KCNMA1: variants seen among roughly 807,000 people sequenced by gnomAD.
KCNMA1 encodes Calcium-activated potassium channel subunit alpha-1.
Under a neutral mutation model 140.0 loss-of-function variants are expected in KCNMA1, and 29 were observed. That is an observed-to-expected ratio of 0.21 (90% CI 0.15 to 0.28). KCNMA1 has a LOEUF of 0.28. Among genes scored for constraint, KCNMA1 ranks in the 10% least tolerant of loss-of-function variants. The pLI, the probability that KCNMA1 is intolerant of heterozygous loss-of-function variation, is 1.00. For missense variants in KCNMA1, 880 were observed against 1,602.2 expected, an observed-to-expected ratio of 0.55 and a Z score of 7.70; for synonymous variants, 612 against 611.9, an observed-to-expected ratio of 1.00 and a Z score of 0.00.
intron 19 of KCNMA1, among the ~76,000 whole-genome samples, chr10:76,999,052 C>G (rs1179923442): frequency 6.6e-6 from 1 of 152,204 alleles, no homozygotes; most frequent in East Asian, 1.9e-4. Flanking sequence ...CAAAGCTCCA[C>G]GTGTTCCCTG....
intron 3 of KCNMA1, among the ~76,000 whole-genome samples, chr10:77,222,388 T>C (rs1411008605): frequency 6.6e-6 from 1 of 152,224 alleles, no homozygotes; most frequent in Admixed American, 6.5e-5. Context: ...CTCTACCTAC[T>C]ACTCCCAACA....
At chr10:77,179,227 C>T (rs941506593) in intron 5 of KCNMA1, among the ~76,000 whole-genome samples, 13 of 152,188 alleles carry the variant, frequency 8.5e-5, no homozygotes, top group South Asian at 4.1e-4. Context: ...TCATGCTGAG[C>T]GACCCATCAG....
At chr10:77,329,894 G>T (rs1350536562) in intron 2 of KCNMA1, among the ~76,000 whole-genome samples, 1 of 152,010 alleles carries the variant, frequency 6.6e-6, no homozygotes, top group African/African-American at 2.4e-5. Flanking sequence ...AGTTCATAAG[G>T]TTATTATAAA....
At chr10:76,876,423 C>T (rs1027218139), downstream of KCNMA1, 3 of 152,540 alleles carry the variant, frequency 2.0e-5, no homozygotes, top group East Asian at 1.9e-4. Context: ...GACTGTACAC[C>T]GAGCATGCAA....
intron 3 of KCNMA1, among the ~76,000 whole-genome samples, chr10:77,240,874 T>C (rs1181361848): frequency 3.3e-5 from 5 of 152,206 alleles, no homozygotes; most frequent in Non-Finnish European, 7.3e-5. Context: ...TATTTTGTAC[T>C]GTTGCACTCT....
intron 1 of KCNMA1, among the ~76,000 whole-genome samples, chr10:77,629,773 A>G (rs973647542): frequency 1.3e-5 from 2 of 152,178 alleles, no homozygotes; most frequent in Non-Finnish European, 2.9e-5. Context: ...CATCGTATAC[A>G]CTTAATATGC....
At chr10:77,353,003 C>A (rs1330785064) in intron 2 of KCNMA1, among the ~76,000 whole-genome samples, 1 of 152,210 alleles carries the variant, frequency 6.6e-6, no homozygotes, top group East Asian at 1.9e-4. Context: ...AAGACAATCC[C>A]CTGAATGCAA....
intron 14 of KCNMA1, among the ~76,000 whole-genome samples, chr10:77,052,619 G>GC: frequency 2.2e-5 from 1 of 45,772 alleles, no homozygotes; most frequent in East Asian, 4.4e-4. Flanking sequence ...GGATGAGTGT[G>GC]CAAAAAAAAA....
At chr10:76,980,041 T>C (rs1044430364) in intron 19 of KCNMA1, 4 of 152,286 alleles carry the variant, frequency 2.6e-5, no homozygotes, top group Admixed American at 2.6e-4. Flanking sequence ...TATCATAATT[T>C]ATCCTCGGAC....
At position 77,003,300 on chromosome 10, in the gene KCNMA1, G is replaced by T. The variant is rs139691759; in HGVS notation, c.2093-1720C>A. ...TGGTATATCATTCCTTTGAGCTTTA[G>T]CTTTTACCAAAAAAAAATAAAAAAT... On this transcript the variant is annotated intron_variant, in intron 18 of 27. Coordinates refer to ENST00000286628, the MANE Select transcript of KCNMA1 (RefSeq NM_001161352.2). 1.3e-4 allele frequency among the ~76,000 whole-genome samples: 17 copies of T among 128,616 alleles called. No homozygotes were observed. The East Asian group carries it at 3.3e-3, about 25-fold the overall frequency. 84.4% of individuals were successfully genotyped at this position (128,616 alleles called of 152,430 possible).
rs541507084 is a variant in KCNMA1 at position 77,518,184 on chromosome 10, T to G, written c.379-114161A>C. Among the ~76,000 whole-genome samples the G allele has an allele frequency of 2.6e-5, 4 of 152,318 alleles. No homozygotes were observed. The East Asian group carries it at 7.7e-4, about 29-fold the overall frequency. ...CAACTACATAAAACAGGTTCCCCAT[T>G]GCACTCACATCACTATCCCCTTAGC... On this transcript the variant is annotated intron_variant, in intron 1 of 27. Transcript: ENST00000286628.
At chr10:77,334,993 T>C (rs1267309931) in intron 2 of KCNMA1, among the ~76,000 whole-genome samples, 3 of 152,190 alleles carry the variant, frequency 2.0e-5, no homozygotes, top group Non-Finnish European at 4.4e-5. Flanking sequence ...CTAACAGCCA[T>C]ATGTGGCTAC....
chr10:76,877,748 A>C (rs1228240261), exon 30 of KCNMA1: 1 of 1,554,478 alleles, frequency 6.4e-7, no homozygotes, highest in East Asian at 2.4e-5. Flanking sequence ...GTCAACATTC[A>C]TCTTCAACTT....
intron 23 of KCNMA1, among the ~76,000 whole-genome samples, chr10:76,926,799 A>G (rs992658660): frequency 3.9e-5 from 6 of 152,158 alleles, no homozygotes; most frequent in African/African-American, 1.4e-4. Context: ...CATTGTCGGT[A>G]TCAACAAACA....
At chr10:77,217,657 T>C in intron 3 of KCNMA1, 1 of 398,782 alleles carries the variant, frequency 2.5e-6, no homozygotes, top group Middle Eastern at 4.0e-4. Context: ...GAAGTGCAGT[T>C]GCACCTCAAT....
intron 2 of KCNMA1, among the ~76,000 whole-genome samples, chr10:77,305,415 T>A (rs771948487): frequency 6.6e-6 from 1 of 152,144 alleles, no homozygotes; most frequent in Non-Finnish European, 1.5e-5. Flanking sequence ...GAAACGAAGG[T>A]TGAAAAAAGT....
At chr10:77,240,681 A>G (rs1448197949) in intron 3 of KCNMA1, among the ~76,000 whole-genome samples, 1 of 152,204 alleles carries the variant, frequency 6.6e-6, no homozygotes, top group Non-Finnish European at 1.5e-5. Flanking sequence ...CCTCTTTGAA[A>G]CACAGGAAGA....
intron 2 of KCNMA1, among the ~76,000 whole-genome samples, chr10:77,263,783 C>T (rs1246744390): frequency 2.0e-5 from 3 of 152,104 alleles, no homozygotes; most frequent in South Asian, 2.1e-4. Context: ...TGGCACCAAA[C>T]ATGTCACACT....
chr10:77,214,036 G>A (rs1395837202), intron 3 of KCNMA1, among the ~76,000 whole-genome samples: 9 of 151,994 alleles, frequency 5.9e-5, no homozygotes, highest in Admixed American at 5.9e-4. Context: ...TCACCCCTGG[G>A]CAGCACCCTC....
Sources: allele counts gnomAD v4.1 joint callset (sites outside exome capture counted in the v4.1 genomes callset), GRCh38; gene constraint gnomAD v4.1.1; transcripts MANE v1.5; gene names NCBI Gene and HGNC (gene_info 2026-07-23, HGNC 2026-07-21).